Variants in MMP16 observed in about 807,000 individuals in gnomAD.
MMP16 encodes matrix metallopeptidase 16.
In MMP16, 12 loss-of-function variants were observed where a neutral mutation model predicts 67.8. The ratio of observed to expected loss-of-function variants is 0.18; its 90% CI spans 0.11 to 0.29. The LOEUF is 0.29. Ranked by LOEUF, MMP16 falls within the 10% of genes least tolerant of loss-of-function variation. MMP16 has a pLI of 1.00. For synonymous variants in MMP16, 249 were observed against 255.9 expected (o/e 0.97, Z 0.26); for missense variants, 475 against 765.7 (o/e 0.62, Z 4.48).
intron 1 of MMP16, among the ~76,000 whole-genome samples, chr8:88,256,663 A>ATCTCTC (rs35262224): frequency 1.7e-4 from 24 of 141,966 alleles, no homozygotes; most frequent in Non-Finnish European, 2.6e-4. Flanking sequence ...TAATCACCCC[A>ATCTCTC]TCTCTCTCTC....
chr8:88,203,426 T>C (rs7833482), intron 1 of MMP16, among the ~76,000 whole-genome samples: 148,379 of 152,224 alleles, frequency 0.97, 72,432 homozygotes, highest in East Asian at 1. Flanking sequence ...TTATAAAATG[T>C]GCACATCCAC....
chr8:88,297,837 G>A (rs1044817575), intron 1 of MMP16, among the ~76,000 whole-genome samples: 1 of 152,202 alleles, frequency 6.6e-6, no homozygotes, highest in African/African-American at 2.4e-5. Flanking sequence ...AAAATGGAAC[G>A]AGGTAATATG....
At chr8:88,300,847 T>C (rs1199072153) in intron 1 of MMP16, among the ~76,000 whole-genome samples, 1 of 151,938 alleles carries the variant, frequency 6.6e-6, no homozygotes, top group African/African-American at 2.4e-5. Flanking sequence ...GAGCCTGAAG[T>C]AAGAGTAACT....
At chr8:88,258,823 G>C (rs1042985343) in intron 1 of MMP16, among the ~76,000 whole-genome samples, 3 of 152,110 alleles carry the variant, frequency 2.0e-5, no homozygotes, top group Admixed American at 2.0e-4. Flanking sequence ...GAATACTGCA[G>C]AAAGAAAAAG....
intron 4 of MMP16, among the ~76,000 whole-genome samples, chr8:88,129,816 A>G (rs1023546747): frequency 2.6e-5 from 4 of 151,612 alleles, no homozygotes; most frequent in Non-Finnish European, 5.9e-5. Flanking sequence ...TATGTATAAA[A>G]ATTCATAGAC....
intron 3 of MMP16, among the ~76,000 whole-genome samples, chr8:88,181,040 T>C (rs1309112520): frequency 6.6e-6 from 1 of 152,160 alleles, no homozygotes; most frequent in Non-Finnish European, 1.5e-5. Flanking sequence ...AGACTTCTAT[T>C]TGATGAACAA....
intron 1 of MMP16, among the ~76,000 whole-genome samples, chr8:88,287,931 T>A (rs1373935464): frequency 6.6e-6 from 1 of 152,210 alleles, no homozygotes; most frequent in East Asian, 1.9e-4. Context: ...AATGAAAGAG[T>A]AAGAGTAATA....
At chr8:88,050,183 C>T (rs960841279) in intron 8 of MMP16, among the ~76,000 whole-genome samples, 35 of 152,128 alleles carry the variant, frequency 2.3e-4, no homozygotes, top group African/African-American at 8.0e-4. Context: ...ATTATCTGGG[C>T]GTGGTGGCAG....
chr8:88,116,845 C>T (rs537395842), intron 5 of MMP16, 127 bp from the exon 6 acceptor site: 34 of 816,802 alleles, frequency 4.2e-5, no homozygotes, highest in Non-Finnish European at 6.1e-5. Flanking sequence ...TCTTTAAGAT[C>T]GTATATTTTC....
chr8:88,190,864 T>C (rs1586197466), intron 2 of MMP16, among the ~76,000 whole-genome samples: 1 of 152,298 alleles, frequency 6.6e-6, no homozygotes, highest in Middle Eastern at 3.4e-3. Flanking sequence ...ACATAGTTAC[T>C]TTTTCAGTGT....
At chr8:88,242,808 T>C (rs1810053748) in intron 1 of MMP16, among the ~76,000 whole-genome samples, 2 of 152,182 alleles carry the variant, frequency 1.3e-5, no homozygotes, top group Admixed American at 1.3e-4. Context: ...AAAATTTTGA[T>C]CCTTATCCTT....
At chr8:88,304,158 G>A (rs1054104549) in intron 1 of MMP16, among the ~76,000 whole-genome samples, 8 of 152,154 alleles carry the variant, frequency 5.3e-5, no homozygotes, top group African/African-American at 1.7e-4. Context: ...GCAATCACAA[G>A]TATCAACAGC....
intron 1 of MMP16, among the ~76,000 whole-genome samples, chr8:88,301,558 C>T (rs28986476): frequency 0.13 from 20,393 of 152,012 alleles, 1,821 homozygotes; most frequent in African/African-American, 0.23. Context: ...CTATATTTTC[C>T]CTTTAAGAAA....
chr8:88,111,687 G>A (rs546555178), intron 6 of MMP16, among the ~76,000 whole-genome samples: 67 of 151,832 alleles, frequency 4.4e-4, no homozygotes, highest in African/African-American at 1.4e-3. Context: ...ATGTCATTCA[G>A]TATGCAGTAT....
chr8:88,081,391 GT>G (rs1808748926), intron 6 of MMP16, among the ~76,000 whole-genome samples: 1 of 152,068 alleles, frequency 6.6e-6, no homozygotes, highest in South Asian at 2.1e-4. Flanking sequence ...CTTACTTAAA[GT>G]TTTTTAATAA....
intron 4 of MMP16, among the ~76,000 whole-genome samples, chr8:88,132,403 T>G (rs1234316746): frequency 1.3e-5 from 2 of 151,870 alleles, no homozygotes; most frequent in African/African-American, 4.8e-5. Flanking sequence ...GAGAGAAGTT[T>G]AACTGGGTTG....
intron 8 of MMP16, among the ~76,000 whole-genome samples, chr8:88,051,305 A>C (rs988656727): frequency 6.6e-6 from 1 of 152,198 alleles, no homozygotes; most frequent in Non-Finnish European, 1.5e-5. Context: ...GAAGTAAATT[A>C]GCATATTCAG....
At chr8:88,114,005 G>A (rs902775844) in intron 6 of MMP16, among the ~76,000 whole-genome samples, 1 of 151,872 alleles carries the variant, frequency 6.6e-6, no homozygotes, top group African/African-American at 2.4e-5. Context: ...CATAGGTTTT[G>A]GAATCAAGTA....
At chr8:88,298,157 T>C (rs538090063) in intron 1 of MMP16, among the ~76,000 whole-genome samples, 10 of 152,220 alleles carry the variant, frequency 6.6e-5, no homozygotes, top group African/African-American at 2.2e-4. Context: ...TAATAAAAGA[T>C]CACCATTAAG....
Sources: allele counts gnomAD v4.1 joint callset (sites outside exome capture counted in the v4.1 genomes callset), GRCh38; gene constraint gnomAD v4.1.1; transcripts MANE v1.5; gene names NCBI Gene and HGNC (gene_info 2026-07-23, HGNC 2026-07-21).